ITPRID2: variants seen among roughly 807,000 people sequenced by gnomAD.
ITPRID2 encodes ITPR interacting domain containing 2, also known as protein ITPRID2.
ITPRID2 carries 60 observed loss-of-function variants against 124.3 expected under a neutral mutation model. The ratio of observed to expected loss-of-function variants is 0.48; its 90% confidence interval spans 0.39 to 0.60. ITPRID2 has a LOEUF of 0.60. Ranked by LOEUF, ITPRID2 falls within the 20% of genes least tolerant of loss-of-function variation. The pLI, the probability that ITPRID2 is intolerant of heterozygous loss-of-function variation, is 0.00. For missense variants in ITPRID2, 1,553 were observed against 1,512.2 expected (o/e 1.03, Z -0.45); for synonymous variants, 521 against 542.9 (o/e 0.96, Z 0.56).
At position 181,899,291 on chromosome 2, in the gene ITPRID2, T is replaced by G. The variant is rs139407334; in HGVS notation, c.503+179T>G. On this transcript the variant is annotated intron_variant, in intron 6 of 17. Coordinates refer to ENST00000431877, the MANE Select transcript of ITPRID2 (RefSeq NM_001130445.3). ...TGTTTTGTTTTGTTTTGTTTTGTTT[T>G]ACTTTGAGATTAAATAAAATGCAAT... 1.7e-4 allele frequency among the ~76,000 whole-genome samples: 26 copies of G among 152,340 alleles called. 1 individual carries two copies. In the East Asian group the frequency reaches 5.0e-3, roughly 29 times the overall value.
rs190709418 is a variant in ITPRID2, at chr2:181,908,897, G to T, written c.1414-1002G>T. 2.0e-4 allele frequency among the ~76,000 whole-genome samples: 31 copies of T among 151,600 alleles called. No individual in the cohort carries two copies. In the East Asian group the frequency reaches 5.9e-3, roughly 29 times the overall value. On this transcript the variant is annotated intron_variant, in intron 8 of 17. Transcript: ENST00000431877. Reference sequence around the variant, plus strand: ...GTTGAAAACCCATATGTTCAGCTAGGTACCACACTTTACTAGGATGTTCTT... The same window carrying T: ...GTTGAAAACCCATATGTTCAGCTAGTTACCACACTTTACTAGGATGTTCTT...
chr2:181,911,313 A>G (rs554581202), intron 9 of ITPRID2, among the ~76,000 whole-genome samples: 5 of 152,340 alleles, frequency 3.3e-5, no homozygotes, highest in East Asian at 3.9e-4. Flanking sequence ...GGAAAAATGC[A>G]TATAGCAGTT....
chr2:181,916,080 C>G lies in ITPRID2; in HGVS notation c.2440C>G (p.Gln814Glu). ...PSSVKKEEAP[Q>E]SEAPRVEECH... The stretch of plus-strand genomic sequence containing the variant: ...ATCTGTGAAGAAAGAAGAAGCCCCC[C>G]AGAGTGAGGCGCCGCGGGTGGAGGA... Residue 814 changes from glutamine (Q) to glutamate (E), a missense_variant, in exon 11 of 18, where the codon CAG becomes GAG. Physicochemically the swap from Gln to Glu is conservative, Grantham distance 29. Transcript: ENST00000431877. The G allele has an allele frequency of 1.2e-6, 2 of 1,614,210 alleles. No individual in the cohort carries two copies. Among genetic ancestry groups the G allele is most frequent in the East Asian group, 4.5e-5 (2 of 44,888 alleles).
chr2:181,916,073 A>G lies in ITPRID2; in HGVS notation c.2433A>G (p.Glu811=), dbSNP rs760155394. 1.9e-6 allele frequency: 3 copies of G among 1,614,200 alleles called. No individual in the cohort carries two copies. Among genetic ancestry groups the G allele is most frequent in the Non-Finnish European group, 2.5e-6 (3 of 1,180,036 alleles). The change falls in exon 11 of 18, where the codon GAA becomes GAG. Residue 811 remains glutamate, a synonymous_variant. Transcript: ENST00000431877. ...CTCCATCATCTGTGAAGAAAGAAGAAGCCCCCCAGAGTGAGGCGCCGCGGG... is the reference window on the plus strand; with the variant it reads ...CTCCATCATCTGTGAAGAAAGAAGAGGCCCCCCAGAGTGAGGCGCCGCGGG... ...FISPSSVKKE[E]APQSEAPRVE... is the part of the protein sequence containing the mutation.
Position 181,929,592 on chromosome 2 carries a change from T to C in ITPRID2, c.*45T>C. 1 of 1,613,216 alleles carries C rather than the reference T, an allele frequency of 6.2e-7. No homozygotes were observed. Among genetic ancestry groups the C allele is most frequent in the Non-Finnish European group, 8.5e-7 (1 of 1,179,466 alleles). On this transcript the variant is annotated 3_prime_UTR_variant, in exon 18 of 18. Coordinates refer to ENST00000431877, the MANE Select transcript of ITPRID2 (RefSeq NM_001130445.3). ...ATGGATCCTATTAGCTGTGTAATAC[T>C]GGAATTATCAATGATATGCACTGGT...
intron 16 of ITPRID2, among the ~76,000 whole-genome samples, chr2:181,924,886 A>G (rs1006834205): frequency 3.9e-5 from 6 of 152,242 alleles, no homozygotes; most frequent in African/African-American, 1.2e-4. Flanking sequence ...GTCATCTGTG[A>G]TGTATGTGAT....
intron 6 of ITPRID2, 35 bp from the exon 7 acceptor site, chr2:181,900,661 T>G: frequency 6.9e-7 from 1 of 1,446,224 alleles, no homozygotes; most frequent in Non-Finnish European, 9.6e-7. Context: ...TATTTTATAT[T>G]TTCATGTTTC....
Position 181,913,878 on chromosome 2 carries a change from A to T in ITPRID2, c.1520A>T (p.Asp507Val), listed in dbSNP as rs1559001638. 1 of 1,613,428 alleles carries T rather than the reference A, an allele frequency of 6.2e-7. No individual in the cohort carries two copies. The highest frequency in any genetic ancestry group is 8.5e-7 in the Non-Finnish European group (1 of 1,179,732). ...HLLRTASQHSDSSGFAEDSTD... is the reference protein window; with the variant it reads ...HLLRTASQHSVSSGFAEDSTD... Reference sequence around the variant, plus strand: ...TTACGTACTGCAAGTCAGCATTCCGATAGCAGTGGTTTTGCTGAAGATTCT... The same window carrying T: ...TTACGTACTGCAAGTCAGCATTCCGTTAGCAGTGGTTTTGCTGAAGATTCT... The change falls in exon 10 of 18, where the codon GAT (aspartate) becomes GTT (valine). Residue 507 changes from aspartate (D) to valine (V), a missense_variant. Physicochemically the swap from Asp to Val is radical, Grantham distance 152 (BLOSUM62 -3). Coordinates refer to ENST00000431877, the MANE Select transcript of ITPRID2 (RefSeq NM_001130445.3).
chr2:181,892,820 A>G lies in ITPRID2; in HGVS notation c.257+160A>G. The G allele has an allele frequency of 1.3e-6, 1 of 763,086 alleles. No homozygotes were observed. The highest frequency in any genetic ancestry group is 1.6e-5 in the South Asian group (1 of 61,034). The allele number at this position is 763,086 out of a possible 1,614,324, so 47.3% of individuals were successfully genotyped here. The stretch of plus-strand genomic sequence containing the variant: ...TAGCTTCCTCCTCTAAGCGATTAGA[A>G]ATGGAAGTGCTGTGACCGCTGATTA... On this transcript the variant is annotated intron_variant, in intron 2 of 17. Coordinates refer to ENST00000431877, the MANE Select transcript of ITPRID2 (RefSeq NM_001130445.3). This position sits in a 1 kb window ranked among gnomAD's most constrained non-coding sequence, Gnocchi z 5.2.
intron 6 of ITPRID2, among the ~76,000 whole-genome samples, chr2:181,900,160 C>G (rs759843951): frequency 1.3e-5 from 2 of 152,178 alleles, no homozygotes; most frequent in Non-Finnish European, 2.9e-5. Context: ...CTCCTACTTC[C>G]TGAGTGGAAG....
Position 181,916,111 on chromosome 2 carries a change from A to G in ITPRID2, c.2471A>G (p.His824Arg), listed in dbSNP as rs776396556. ...QSEAPRVEEC[H>R]HGRTPTCSRL... ...GAGGCGCCGCGGGTGGAGGAATGCC[A>G]TCATGGAAGGACTCCTACCTGTTCA... Residue 824 changes from histidine (H) to arginine (R), a missense_variant, in exon 11 of 18, where the codon CAT (histidine) becomes CGT (arginine). By Grantham distance (29) the His-to-Arg change is conservative. Transcript: ENST00000431877. 5 of 1,614,216 alleles carry G rather than the reference A, an allele frequency of 3.1e-6. No individual in the cohort carries two copies. The highest frequency in any genetic ancestry group is 1.1e-5 in the South Asian group (1 of 91,084).
At position 181,929,833 on chromosome 2, in the gene ITPRID2, A is replaced by G. The variant is rs954886939; in HGVS notation, c.*286A>G. Reference sequence around the variant, plus strand: ...TATTTTTCATTTGATTCCCTATTAGAATTAATTTTAAAACTTGAAGACTTC... The same window carrying G: ...TATTTTTCATTTGATTCCCTATTAGGATTAATTTTAAAACTTGAAGACTTC... On this transcript the variant is annotated 3_prime_UTR_variant, in exon 18 of 18. Coordinates refer to ENST00000431877, the MANE Select transcript of ITPRID2 (RefSeq NM_001130445.3). 2.4e-6 allele frequency: 1 copy of G among 411,864 alleles called. No individual in the cohort carries two copies. The allele number at this position is 411,864 out of a possible 1,614,324, so 25.5% of individuals were successfully genotyped here.
At chr2:181,917,006 G>A (rs1195008806) in intron 11 of ITPRID2, 1 of 985,384 alleles carries the variant, frequency 1.0e-6, no homozygotes, top group African/African-American at 1.7e-5. Flanking sequence ...AACAAATCAG[G>A]TAAAGTGTGA....
intron 8 of ITPRID2, among the ~76,000 whole-genome samples, chr2:181,908,132 G>A (rs899310438): frequency 2.6e-5 from 4 of 152,306 alleles, no homozygotes; most frequent in Admixed American, 1.3e-4. Flanking sequence ...CACTTGGAAG[G>A]CTGTGGCAGG....
In ITPRID2 at chr2:181,907,564, T is replaced by C. The variant is rs1693246576; in HGVS notation, c.1414-2335T>C. On this transcript the variant is annotated intron_variant, in intron 8 of 17. Transcript: ENST00000431877. This position sits in a 1 kb window ranked among gnomAD's most constrained non-coding sequence, Gnocchi z 5.1. ...TACTCATCATTCTAATTCAGTTTTA[T>C]TTGGCTATTCTTGTTAATTATGAAA... 6.6e-6 allele frequency among the ~76,000 whole-genome samples: 1 copy of C among 152,164 alleles called. No homozygotes were observed. The highest frequency in any genetic ancestry group is 2.1e-4 in the South Asian group (1 of 4,834).
At position 181,892,394 on chromosome 2, in the gene ITPRID2, A is replaced by G. The variant is rs1400106043; in HGVS notation, c.211+117A>G. The G allele has an allele frequency of 2.8e-5, 35 of 1,266,928 alleles. No homozygotes were observed. The highest frequency in any genetic ancestry group is 3.7e-5 in the Non-Finnish European group (34 of 928,968). 78.5% of individuals were successfully genotyped at this position (1,266,928 alleles called of 1,614,324 possible). On this transcript the variant is annotated intron_variant, in intron 1 of 17. Coordinates refer to ENST00000431877, the MANE Select transcript of ITPRID2 (RefSeq NM_001130445.3). This position sits in a 1 kb window ranked among gnomAD's most constrained non-coding sequence, Gnocchi z 5.2. ...CTCGGGCACGGTAGGCCGAGGGGAG[A>G]GGGGACACTTCCGACCTTCAAACGC...
At position 181,910,296 on chromosome 2, in the gene ITPRID2, T is replaced by G. The variant is rs928857529; in HGVS notation, c.1486+325T>G. On this transcript the variant is annotated intron_variant, in intron 9 of 17. Transcript: ENST00000431877. This position sits in a 1 kb window ranked among gnomAD's most constrained non-coding sequence, Gnocchi z 4.1. ...ATTAAGACTACCTTTTACATTGTTATGACTGAAAAATATACTGGTATTATC... is the reference window on the plus strand; with the variant it reads ...ATTAAGACTACCTTTTACATTGTTAGGACTGAAAAATATACTGGTATTATC... Among the ~76,000 whole-genome samples, 2 of 152,348 alleles carry G rather than the reference T, an allele frequency of 1.3e-5. No homozygotes were observed. The highest frequency in any genetic ancestry group is 2.1e-4 in the South Asian group (1 of 4,828).
rs1410471961 is a variant in ITPRID2 at position 181,900,966 on chromosome 2, T to C, written c.712+62T>C. The C allele has an allele frequency of 1.1e-5, 14 of 1,323,204 alleles. No homozygotes were observed. In the East Asian group the frequency reaches 2.9e-4, roughly 28 times the overall value. 82.0% of individuals were successfully genotyped at this position (1,323,204 alleles called of 1,614,324 possible). ...AATTATAGCATCTACAGCAAGATGG[T>C]CTTATTTTAAAGCCTTAATTTTCAG... is the stretch of plus-strand genomic sequence containing the variant. On this transcript the variant is annotated intron_variant, in intron 7 of 17. Coordinates refer to ENST00000431877, the MANE Select transcript of ITPRID2 (RefSeq NM_001130445.3).
chr2:181,918,393 T>C, intron 11 of ITPRID2: 1 of 1,342,956 alleles, frequency 7.4e-7, no homozygotes, highest in Non-Finnish European at 9.5e-7. Flanking sequence ...CCCACGTAGA[T>C]TGACTTATAC....
Sources: gnomAD v4.1 joint callset for allele counts (sites outside exome capture counted in the v4.1 genomes callset) on GRCh38, gnomAD v4.1.1 for gene constraint, Gnocchi (gnomAD v3.1) non-coding constraint, MANE v1.5 for transcripts, NCBI Gene and HGNC (gene_info 2026-07-23, HGNC 2026-07-21) for gene names.